Variants in CCDC116 observed in about 807,000 individuals in gnomAD.
CCDC116 encodes coiled-coil domain containing 116.
In CCDC116, 24 loss-of-function variants were observed where a neutral mutation model predicts 29.4. That is an observed-to-expected ratio of 0.82 (90% confidence interval 0.59 to 1.15). CCDC116 has a LOEUF of 1.15. Ranked by LOEUF, CCDC116 falls within the 50% of genes most tolerant of loss-of-function variation. The pLI, the probability that CCDC116 is intolerant of heterozygous loss-of-function variation, is 0.00. For missense variants in CCDC116, 791 were observed against 804.0 expected (o/e 0.98, Z 0.20); for synonymous variants, 298 against 331.4 (o/e 0.90, Z 1.10).
In CCDC116 at chr22:21,633,215, G is replaced by A. The variant is rs149235224; in HGVS notation, c.34G>A (p.Ala12Thr). Residue 12 changes from alanine (A) to threonine (T), a missense_variant, in exon 2 of 5, where the codon GCC (alanine) becomes ACC (threonine). Physicochemically the swap from Ala to Thr is moderately conservative, Grantham distance 58 (BLOSUM62 0). Transcript: ENST00000292779. ...ARCRHHSGYL[A>T]DDEASHSMCS... The stretch of plus-strand genomic sequence containing the variant: ...GTGCCGCCACCACTCGGGTTACCTG[G>A]CCGATGACGAGGCCAGCCACTCCAT... The A allele has an allele frequency of 2.8e-5, 43 of 1,550,658 alleles. No individual in the cohort carries two copies. The highest frequency in any genetic ancestry group is 3.6e-5 in the Non-Finnish European group (41 of 1,147,070).
intron 3 of CCDC116, 42 bp from the exon 4 acceptor site, chr22:21,634,643 G>A (rs1219960305): frequency 1.3e-6 from 2 of 1,568,184 alleles, no homozygotes; most frequent in Non-Finnish European, 1.7e-6. Flanking sequence ...GCCCTGGCTT[G>A]GCTGCTCCTG....
chr22:21,635,713 A>G, intron 4 of CCDC116: 1 of 626,632 alleles, frequency 1.6e-6, no homozygotes, highest in East Asian at 2.7e-5. Flanking sequence ...CCTCCTGGGC[A>G]GGGGTCAAGC....
chr22:21,634,770 A>G lies in CCDC116; in HGVS notation c.707A>G (p.Glu236Gly). The change falls in exon 4 of 5, where the codon GAG becomes GGG. Residue 236 changes from glutamate to glycine, a missense_variant. By Grantham distance (98) the Glu-to-Gly change is moderately conservative. Transcript: ENST00000292779. ...GSQTSFQWTQ[E>G]QPLSWFSGLL... is the part of the protein sequence containing the mutation. ...CAGACCAGCTTTCAGTGGACACAGG[A>G]GCAGCCCTTGTCCTGGTTCTCAGGG... The G allele has an allele frequency of 1.2e-6, 2 of 1,613,972 alleles. No individual in the cohort carries two copies. The highest frequency in any genetic ancestry group is 2.2e-5 in the East Asian group (1 of 44,882).
In CCDC116 at chr22:21,634,982, C is replaced by G. The variant is rs1930726040; in HGVS notation, c.919C>G (p.His307Asp). 1 of 1,611,846 alleles carries G rather than the reference C, an allele frequency of 6.2e-7. No individual in the cohort carries two copies. The highest frequency in any genetic ancestry group is 1.3e-5 in the African/African-American group (1 of 75,060). The stretch of plus-strand genomic sequence containing the variant: ...TCGCACGCTGAACTTCCTGGCTGAC[C>G]ACCGCCTCTTCCCTGCCCTGCAAAG... The part of the protein sequence containing the change: ...PHRTLNFLAD[H>D]RLFPALQSVV... Residue 307 changes from histidine to aspartate, a missense_variant, in exon 4 of 5, where the codon CAC (histidine) becomes GAC (aspartate). By Grantham distance (81) the His-to-Asp change is moderately conservative. Transcript: ENST00000292779.
Position 21,637,121 on chromosome 22 carries a change from G to A in CCDC116, c.*51G>A, listed in dbSNP as rs1230385509. ...CCTCGGTCAGCCACTCCGTGGACGTGGGCCACGGTGACCCACCATGAAGTC... is the reference window on the plus strand; with the variant it reads ...CCTCGGTCAGCCACTCCGTGGACGTAGGCCACGGTGACCCACCATGAAGTC... On this transcript the variant is annotated 3_prime_UTR_variant, in exon 5 of 5. Transcript: ENST00000292779. 6.6e-7 allele frequency: 1 copy of A among 1,509,484 alleles called. No individual in the cohort carries two copies. The highest frequency in any genetic ancestry group is 2.4e-5 in the East Asian group (1 of 41,106). The allele number at this position is 1,509,484 out of a possible 1,614,324, so 93.5% of individuals were successfully genotyped here.
chr22:21,636,972 G>A lies in CCDC116; in HGVS notation c.1744G>A (p.Asp582Asn), dbSNP rs2066037501. Residue 582 changes from aspartate (D) to asparagine (N), a missense_variant, in exon 5 of 5, where the codon GAC becomes AAC. Asp to Asn is a conservative substitution (Grantham distance 23). Coordinates refer to ENST00000292779, the MANE Select transcript of CCDC116 (RefSeq NM_152612.3). ...CAGTCCCCCCAAGTCCAAGGACATG[G>A]ACAATGAGGGCCGTGATAAAGCCGA... Reference protein sequence around the residue: ...GSSPPKSKDMDNEGRDKAEIE... With the variant: ...GSSPPKSKDMNNEGRDKAEIE... 1 of 1,613,664 alleles carries A rather than the reference G, an allele frequency of 6.2e-7. No homozygotes were observed. Among genetic ancestry groups the A allele is most frequent in the South Asian group, 1.1e-5 (1 of 91,088 alleles).
At position 21,634,560 on chromosome 22, in the gene CCDC116, A is replaced by G. The variant is rs775162329; in HGVS notation, c.611A>G (p.Glu204Gly). ...EKNLKRLLQL[E>G]REGKGLSQSC... Reference sequence around the variant, plus strand: ...AACCTCAAGCGGCTGCTACAGCTGGAGAGGGAAGGGGTGAGAGCCAGGGCC... The same window carrying G: ...AACCTCAAGCGGCTGCTACAGCTGGGGAGGGAAGGGGTGAGAGCCAGGGCC... The change falls in exon 3 of 5, where the codon GAG becomes GGG. Residue 204 changes from glutamate to glycine, a missense_variant. Transcript: ENST00000292779. The G allele has an allele frequency of 1.2e-6, 2 of 1,601,442 alleles. No homozygotes were observed. Among genetic ancestry groups the G allele is most frequent in the African/African-American group, 2.7e-5 (2 of 74,704 alleles).
rs867353228 is a variant in CCDC116 at position 21,633,129 on chromosome 22, C to A, written c.-53C>A. On this transcript the variant is annotated 5_prime_UTR_variant, in exon 2 of 5. Coordinates refer to ENST00000292779, the MANE Select transcript of CCDC116 (RefSeq NM_152612.3). The stretch of plus-strand genomic sequence containing the variant: ...TCCCCACCCCACGCAGAGAGGAATG[C>A]GCAGCTGAAGAGAGAGGTGGGCAGC... 2.1e-6 allele frequency: 3 copies of A among 1,425,080 alleles called. No individual in the cohort carries two copies. The highest frequency in any genetic ancestry group is 1.4e-5 in the African/African-American group (1 of 70,572). The allele number at this position is 1,425,080 out of a possible 1,614,324, so 88.3% of individuals were successfully genotyped here. A position where few individuals can be genotyped will look rare whatever the true frequency, so the allele number is the denominator to read the frequency against.
At chr22:21,632,952 G>A (rs1337346521) in intron 1 of CCDC116, 125 bp downstream of exon 1, 2 of 689,554 alleles carry the variant, frequency 2.9e-6, no homozygotes, top group South Asian at 1.5e-5. Flanking sequence ...ATTCCACCCC[G>A]ATGACTCTGG....
At position 21,637,132 on chromosome 22, in the gene CCDC116, A is replaced by T. The variant is rs1179507268; in HGVS notation, c.*62A>T. On this transcript the variant is annotated 3_prime_UTR_variant, in exon 5 of 5. Transcript: ENST00000292779. ...CACTCCGTGGACGTGGGCCACGGTG[A>T]CCCACCATGAAGTCCCCACTAGCCA... 6.7e-7 allele frequency: 1 copy of T among 1,494,414 alleles called. No homozygotes were observed. Among genetic ancestry groups the T allele is most frequent in the African/African-American group, 1.4e-5 (1 of 71,396 alleles). The allele number at this position is 1,494,414 out of a possible 1,614,324, so 92.6% of individuals were successfully genotyped here.
rs747032032 is a variant in CCDC116 at position 21,634,531 on chromosome 22, G to T, written c.582G>T (p.Glu194Asp). ...LPPVRDKLLL[E>D]KNLKRLLQLE... Reference sequence around the variant, plus strand: ...CTGTGAGGGACAAACTCCTGCTGGAGAAGAACCTCAAGCGGCTGCTACAGC... The same window carrying T: ...CTGTGAGGGACAAACTCCTGCTGGATAAGAACCTCAAGCGGCTGCTACAGC... The change falls in exon 3 of 5, where the codon GAG becomes GAT. Residue 194 changes from glutamate (E) to aspartate (D), a missense_variant. Glu to Asp is a conservative substitution (Grantham distance 45, BLOSUM62 2). Transcript: ENST00000292779. The T allele has an allele frequency of 1.2e-6, 2 of 1,610,870 alleles. No individual in the cohort carries two copies. The highest frequency in any genetic ancestry group is 2.7e-5 in the African/African-American group (2 of 74,876).
intron 2 of CCDC116, among the ~76,000 whole-genome samples, chr22:21,633,678 C>CCT (rs1456106539): frequency 1.3e-5 from 2 of 152,174 alleles, no homozygotes; most frequent in Non-Finnish European, 2.9e-5. Context: ...GAGGGAGACT[C>CCT]CGAGAGATTC....
At chr22:21,635,764 G>A (rs1930776235) in intron 4 of CCDC116, 1 of 592,918 alleles carries the variant, frequency 1.7e-6, no homozygotes, top group South Asian at 2.1e-5. Flanking sequence ...ATTACCAGGT[G>A]TTGTCACAGA....
rs747066746 is a variant in CCDC116, at chr22:21,635,042, G to A, written c.979G>A (p.Ala327Thr). ...CCAGGCTGTGGATAAGCTCCGTGGC[G>A]CCCACTGCCGCGACGGCCGTCCTCT... is the stretch of plus-strand genomic sequence containing the variant. ...VSQAVDKLRG[A>T]HCRDGRPLFP... Residue 327 changes from alanine to threonine, a missense_variant, in exon 4 of 5, where the codon GCC becomes ACC. Physicochemically the swap from Ala to Thr is moderately conservative, Grantham distance 58 (BLOSUM62 0). Coordinates refer to ENST00000292779, the MANE Select transcript of CCDC116 (RefSeq NM_152612.3). 2.9e-5 allele frequency: 46 copies of A among 1,609,682 alleles called. 2 individuals are homozygous for A. The highest frequency in any genetic ancestry group is 1.5e-4 in the Admixed American group (9 of 59,974).
In CCDC116 at chr22:21,635,662, A is replaced by G. The variant is rs180813411; in HGVS notation, c.1203+396A>G. The G allele has an allele frequency of 2.6e-3, 1,785 of 690,044 alleles. 20 individuals are homozygous for G. Among genetic ancestry groups the G allele is most frequent in the African/African-American group, 0.025 (1,405 of 57,194 alleles). The allele number at this position is 690,044 out of a possible 1,614,324, so 42.7% of individuals were successfully genotyped here. A position where few individuals can be genotyped will look rare whatever the true frequency, so the allele number is the denominator to read the frequency against. ...ACTCCTAGCAGCCACTGTCACTAAC[A>G]GGTGCTCAAGGTCAAGGTCTCTTGC... On this transcript the variant is annotated intron_variant, in intron 4 of 4. Transcript: ENST00000292779.
In CCDC116 at chr22:21,635,014, C is replaced by CTTTGCCCTGCAA. The variant is rs1789858093; in HGVS notation, c.951_952insTTTGCCCTGCAA (p.Val317_Ser318insPheAlaLeuGln). 1 of 1,610,994 alleles carries CTTTGCCCTGCAA rather than the reference C, an allele frequency of 6.2e-7. No homozygotes were observed. Among genetic ancestry groups the CTTTGCCCTGCAA allele is most frequent in the African/African-American group, 1.3e-5 (1 of 75,052 alleles). ...TCTTCCCTGCCCTGCAAAGCGTGGT[C>CTTTGCCCTGCAA]AGCCAGGCTGTGGATAAGCTCCGTG... On this transcript the variant is annotated inframe_insertion, in exon 4 of 5. Coordinates refer to ENST00000292779, the MANE Select transcript of CCDC116 (RefSeq NM_152612.3).
rs1473925132 is a variant in CCDC116, at chr22:21,634,611, G to A, written c.621+41G>A. On this transcript the variant is annotated intron_variant, in intron 3 of 4. Coordinates refer to ENST00000292779, the MANE Select transcript of CCDC116 (RefSeq NM_152612.3). Reference sequence around the variant, plus strand: ...ATGGCTGGGTGGGGTGGACTCCCATGGAGAGCCCAGGGCTAGGGTCAGCCC... The same window carrying A: ...ATGGCTGGGTGGGGTGGACTCCCATAGAGAGCCCAGGGCTAGGGTCAGCCC... 6 of 1,571,466 alleles carry A rather than the reference G, an allele frequency of 3.8e-6. No individual in the cohort carries two copies. The African/African-American group carries it at 6.8e-5, about 18-fold the overall frequency.
In CCDC116 at chr22:21,636,462, A is replaced by C; in HGVS notation, c.1234A>C (p.Lys412Gln). ...CTGCAGCAGCAGCAGGTTCACGAAG[A>C]AGAAGCCGCTGCCCTCCATCTCGTC... is the stretch of plus-strand genomic sequence containing the variant. ...SPCSSSRFTK[K>Q]KPLPSISSKS... The change falls in exon 5 of 5, where the codon AAG becomes CAG. Residue 412 changes from lysine (K) to glutamine (Q), a missense_variant. Transcript: ENST00000292779. 1.9e-6 allele frequency: 3 copies of C among 1,613,574 alleles called. No homozygotes were observed. Among genetic ancestry groups the C allele is most frequent in the Non-Finnish European group, 1.7e-6 (2 of 1,179,896 alleles).
In CCDC116 at chr22:21,635,226, C is replaced by T. The variant is rs764522357; in HGVS notation, c.1163C>T (p.Ser388Phe). The stretch of plus-strand genomic sequence containing the variant: ...CGCAAGGACAGAGGAGGCTCCCCCT[C>T]CATGTCTAGTGCCCAGGTGGCCACC... Reference protein sequence around the residue: ...RKRKDRGGSPSMSSAQVATRF... With the variant: ...RKRKDRGGSPFMSSAQVATRF... Residue 388 changes from serine (S) to phenylalanine (F), a missense_variant, in exon 4 of 5, where the codon TCC (serine) becomes TTC (phenylalanine). Physicochemically the swap from Ser to Phe is radical, Grantham distance 155. Coordinates refer to ENST00000292779, the MANE Select transcript of CCDC116 (RefSeq NM_152612.3). The T allele has an allele frequency of 4.4e-6, 7 of 1,599,648 alleles. No individual in the cohort carries two copies. The highest frequency in any genetic ancestry group is 2.7e-5 in the African/African-American group (2 of 74,916).
Sources: gnomAD v4.1 joint callset for allele counts (sites outside exome capture counted in the v4.1 genomes callset) on GRCh38, gnomAD v4.1.1 for gene constraint, MANE v1.5 for transcripts, NCBI Gene and HGNC (gene_info 2026-07-23, HGNC 2026-07-21) for gene names.